ROCK2: variants seen among roughly 807,000 people sequenced by gnomAD.
ROCK2 encodes rho-associated protein kinase 2.
ROCK2 carries 61 observed loss-of-function variants against 195.1 expected under a neutral mutation model. The ratio of observed to expected loss-of-function variants is 0.31; its 90% CI spans 0.25 to 0.39. The LOEUF (loss-of-function observed/expected upper bound fraction) is 0.39. Among genes scored for constraint, ROCK2 ranks in the 10% least tolerant of loss-of-function variants. The pLI is 1.00. For synonymous variants in ROCK2, 504 were observed against 545.5 expected (o/e 0.92, Z 1.06); for missense variants, 1,109 against 1,637.4 (o/e 0.68, Z 5.57).
chr2:11,215,351 G>A lies in ROCK2; in HGVS notation c.1659C>T (p.Ser553=), dbSNP rs1244014239. 6.2e-7 allele frequency: 1 copy of A among 1,605,888 alleles called. No homozygotes were observed. Among genetic ancestry groups the A allele is most frequent in the Non-Finnish European group, 8.5e-7 (1 of 1,176,674 alleles). The stretch of plus-strand genomic sequence containing the variant: ...TCTGGAGTTGATTCACTTTCTCAGT[G>A]GATATTTGAGAGTTTTGATTTCTTT... ...LKKRNQNSQI[S]TEKVNQLQRQ... is the part of the protein sequence containing the mutation. Residue 553 remains serine (S), a synonymous_variant, in exon 15 of 33, where the codon TCC becomes TCT. Transcript: ENST00000315872.
intron 1 of ROCK2, among the ~76,000 whole-genome samples, chr2:11,313,506 G>A (rs767154139): frequency 3.3e-5 from 5 of 151,906 alleles, no homozygotes; most frequent in Admixed American, 2.6e-4. Flanking sequence ...TTGGTGAATT[G>A]TCTAAATCCT....
At chr2:11,248,708 C>CCAAAATAAAAAAAAA (rs1665713491) in intron 4 of ROCK2, among the ~76,000 whole-genome samples, 1 of 45,412 alleles carries the variant, frequency 2.2e-5, no homozygotes, top group Non-Finnish European at 3.4e-5. Flanking sequence ...GACTTCATCT[C>CCAAAATAAAAAAAAA]AAAAAAAAAA....
intron 3 of ROCK2, among the ~76,000 whole-genome samples, chr2:11,281,581 GAAATT>G (rs1312700622): frequency 6.6e-6 from 1 of 151,956 alleles, no homozygotes; most frequent in African/African-American, 2.4e-5. Context: ...AGTGGAATTT[GAAATT>G]AAATTCTGTA....
At chr2:11,308,916 T>C (rs1667947466) in intron 1 of ROCK2, 5 of 1,612,000 alleles carry the variant, frequency 3.1e-6, no homozygotes, top group African/African-American at 1.3e-5. Flanking sequence ...TATCTTCATC[T>C]ACATCAAACT....
intron 1 of ROCK2, among the ~76,000 whole-genome samples, chr2:11,294,760 G>A (rs1462752966): frequency 6.6e-6 from 1 of 151,842 alleles, no homozygotes; most frequent in Non-Finnish European, 1.5e-5. Context: ...ATAAAATTAA[G>A]ATCAAATTAT....
intron 3 of ROCK2, among the ~76,000 whole-genome samples, chr2:11,283,771 AG>A (rs1422398441): frequency 6.6e-6 from 1 of 152,208 alleles, no homozygotes; most frequent in African/African-American, 2.4e-5. Flanking sequence ...AATGCCAGGG[AG>A]GATGTGAAGC....
At chr2:11,285,486 G>A (rs1667156768) in intron 3 of ROCK2, among the ~76,000 whole-genome samples, 1 of 151,882 alleles carries the variant, frequency 6.6e-6, no homozygotes, top group African/African-American at 2.4e-5. Context: ...TCTTCTTATG[G>A]ATATGTATTA....
At chr2:11,324,609 G>A (rs1160802128) in intron 1 of ROCK2, among the ~76,000 whole-genome samples, 1 of 152,120 alleles carries the variant, frequency 6.6e-6, no homozygotes, top group South Asian at 2.1e-4. Context: ...AAAGAAATGA[G>A]CTATCAAGCC....
At chr2:11,224,524 A>G (rs1664747923) in intron 6 of ROCK2, 64 bp from the exon 7 acceptor site, 1 of 1,429,432 alleles carries the variant, frequency 7.0e-7, no homozygotes, top group South Asian at 1.2e-5. Context: ...CTTTTCACCT[A>G]GTACTTAAAT....
intron 1 of ROCK2, among the ~76,000 whole-genome samples, chr2:11,321,175 C>T (rs1187301802): frequency 6.6e-6 from 1 of 151,982 alleles, no homozygotes; most frequent in African/African-American, 2.4e-5. Flanking sequence ...ACAAAAGGAT[C>T]AAATTATTTT....
At chr2:11,335,290 A>G (rs1262273554) in intron 1 of ROCK2, among the ~76,000 whole-genome samples, 2 of 152,122 alleles carry the variant, frequency 1.3e-5, no homozygotes, top group Non-Finnish European at 2.9e-5. Context: ...ATTTAATAAT[A>G]CTTTAAAGGG....
intron 1 of ROCK2, among the ~76,000 whole-genome samples, chr2:11,317,883 G>A (rs1668274822): frequency 5.3e-5 from 8 of 151,154 alleles, no homozygotes; most frequent in Admixed American, 5.3e-4. Flanking sequence ...TTTTGTCCTT[G>A]TGATAGTTTG....
At chr2:11,272,318 A>G (rs1321080727) in intron 3 of ROCK2, among the ~76,000 whole-genome samples, 1 of 152,192 alleles carries the variant, frequency 6.6e-6, no homozygotes, top group Admixed American at 6.5e-5. Context: ...AATAAAGGTA[A>G]ATACACACAC....
In ROCK2 at chr2:11,344,439, G is replaced by C; in HGVS notation, c.-303C>G. On this transcript the variant is annotated 5_prime_UTR_variant, in exon 1 of 33. Transcript: ENST00000315872. This position sits in a 1 kb window ranked among gnomAD's most constrained non-coding sequence, Gnocchi z 5.4. ...GCTGGTCCTCAGCGAGTGCCCGCAG[G>C]AGTCCTCGGGCGGGAGCAGGGAAGT... The C allele has an allele frequency of 1.9e-6, 2 of 1,040,060 alleles. No homozygotes were observed. The highest frequency in any genetic ancestry group is 2.3e-6 in the Non-Finnish European group (2 of 866,284). The allele number at this position is 1,040,060 out of a possible 1,614,324, so 64.4% of individuals were successfully genotyped here. A position where few individuals can be genotyped will look rare whatever the true frequency, so the allele number is the denominator to read the frequency against.
chr2:11,211,558 T>C, intron 18 of ROCK2, 123 bp downstream of exon 18: 1 of 878,468 alleles, frequency 1.1e-6, no homozygotes, highest in Non-Finnish European at 1.6e-6. Flanking sequence ...AATAGTTTTT[T>C]TCCCTCCAAT....
intron 1 of ROCK2, among the ~76,000 whole-genome samples, chr2:11,296,005 G>GGGGAGAGGGGGAGACAGAGAGAGAGA: frequency 9.7e-5 from 1 of 10,342 alleles, no homozygotes; most frequent in South Asian, 6.5e-3. Flanking sequence ...GAGAGAGAGA[G>GGGGAGAGGGGGAGACAGAGAGAGAGA]GAGAGAGAGA....
chr2:11,210,160 G>A (rs564550480), intron 18 of ROCK2, among the ~76,000 whole-genome samples: 1 of 151,968 alleles, frequency 6.6e-6, no homozygotes, highest in East Asian at 1.9e-4. Context: ...TTACATTAGC[G>A]TTTTAATAGT....
intron 32 of ROCK2, among the ~76,000 whole-genome samples, chr2:11,190,010 A>G (rs573406570): frequency 6.6e-6 from 1 of 152,126 alleles, no homozygotes; most frequent in South Asian, 2.1e-4. Flanking sequence ...TAATAATAAT[A>G]ATAATAAAAT....
chr2:11,191,170 T>C (rs184906355), intron 32 of ROCK2, among the ~76,000 whole-genome samples: 17 of 152,342 alleles, frequency 1.1e-4, no homozygotes, highest in African/African-American at 4.1e-4. Flanking sequence ...TCAAAGGATA[T>C]GCTTTTTCCT....
Sources: gnomAD v4.1 joint callset for allele counts (sites outside exome capture counted in the v4.1 genomes callset) on GRCh38, gnomAD v4.1.1 for gene constraint, Gnocchi (gnomAD v3.1) non-coding constraint, MANE v1.5 for transcripts, NCBI Gene and HGNC (gene_info 2026-07-23, HGNC 2026-07-21) for gene names.